Variants in PTGES3 observed in about 807,000 individuals in gnomAD.
The protein encoded by PTGES3 is Hsp90 co-chaperone.
A neutral mutation model predicts 29.9 loss-of-function variants in PTGES3; 5 were observed. That is an observed-to-expected ratio of 0.17 (90% CI 0.09 to 0.35). The LOEUF (loss-of-function observed/expected upper bound fraction) is 0.35, where lower values mean the gene tolerates loss of function less well. PTGES3 is among the 10% of genes least tolerant of loss of function. PTGES3 has a pLI of 1.00. For synonymous variants in PTGES3, 49 were observed against 57.8 expected, an observed-to-expected ratio of 0.85 and a Z score of 0.69; for missense variants, 128 against 190.0, an observed-to-expected ratio of 0.67 and a Z score of 1.92.
intron 1 of PTGES3, among the ~76,000 whole-genome samples, chr12:56,676,733 GACA>G (rs1053895566): frequency 9.2e-5 from 14 of 151,764 alleles, no homozygotes; most frequent in Non-Finnish European, 1.5e-4. Context: ...AGTCAGCCTG[GACA>G]ACATGGTGAA....
intron 1 of PTGES3, among the ~76,000 whole-genome samples, chr12:56,681,663 C>A (rs986175507): frequency 2.7e-5 from 4 of 150,270 alleles, no homozygotes; most frequent in Non-Finnish European, 5.9e-5. Context: ...GCCTGACCAA[C>A]ATGGCGAAAC....
intron 1 of PTGES3, among the ~76,000 whole-genome samples, chr12:56,683,435 T>C (rs1952651777): frequency 8.3e-6 from 1 of 120,554 alleles, no homozygotes; most frequent in Non-Finnish European, 1.6e-5. Context: ...ACCGTGACAT[T>C]GCACTTCAGC....
chr12:56,687,277 T>A (rs973844106), intron 1 of PTGES3: 1 of 996,804 alleles, frequency 1.0e-6, no homozygotes, highest in Non-Finnish European at 1.2e-6. Flanking sequence ...ACACAGAAAA[T>A]GTCCGTATCT....
chr12:56,671,980 C>T, intron 3 of PTGES3, 133 bp from the exon 4 acceptor site: 1 of 499,126 alleles, frequency 2.0e-6, no homozygotes, highest in Non-Finnish European at 3.4e-6. Context: ...CCCTTGACTA[C>T]TAAAAACTTC....
chr12:56,673,506 A>G (rs1242906696), intron 1 of PTGES3, among the ~76,000 whole-genome samples: 4 of 148,032 alleles, frequency 2.7e-5, no homozygotes, highest in Non-Finnish European at 6.0e-5. Context: ...AAAAAAAAAA[A>G]AAAAAAGCAG....
intron 2 of PTGES3, 47 bp downstream of exon 2, chr12:56,672,904 GT>G: frequency 1.3e-6 from 2 of 1,559,184 alleles, no homozygotes; most frequent in South Asian, 2.4e-5. Flanking sequence ...AAGTTATTCA[GT>G]TGTGTGAATG....
chr12:56,679,771 T>C (rs933564479), intron 1 of PTGES3, among the ~76,000 whole-genome samples: 3 of 152,100 alleles, frequency 2.0e-5, no homozygotes, highest in Non-Finnish European at 2.9e-5. Flanking sequence ...ACCTCCCAGG[T>C]TGAAGCAATT....
intron 1 of PTGES3, 176 bp downstream of exon 1, chr12:56,687,822 A>G: frequency 6.9e-7 from 1 of 1,447,510 alleles, no homozygotes; most frequent in Non-Finnish European, 9.1e-7. Context: ...CATCTGGAGG[A>G]AAAATGTCCT....
At chr12:56,669,007 A>AT (rs577249197) in intron 5 of PTGES3, among the ~76,000 whole-genome samples, 3,131 of 97,058 alleles carry the variant, frequency 0.032, 122 homozygotes, top group Non-Finnish European at 0.041. Context: ...TTCACCATGA[A>AT]TTTTTTTTTT....
intron 1 of PTGES3, among the ~76,000 whole-genome samples, chr12:56,685,423 GAC>G (rs1952789277): frequency 2.5e-5 from 3 of 117,758 alleles, no homozygotes; most frequent in Non-Finnish European, 3.4e-5. Flanking sequence ...TTTTTTTTAA[GAC>G]AGTCTCGCTG....
Position 56,664,820 on chromosome 12 carries a change from G to A in PTGES3, c.439-20C>T. 6.3e-7 allele frequency: 1 copy of A among 1,595,030 alleles called. No homozygotes were observed. The highest frequency in any genetic ancestry group is 8.6e-7 in the Non-Finnish European group (1 of 1,169,072). ...TGAATCCTGAAAGAGGGAAAATAAA[G>A]TTACCGAGCTGATCAAATATTCGTT... On this transcript the variant is annotated intron_variant, in intron 6 of 7. Coordinates refer to ENST00000262033, the MANE Select transcript of PTGES3 (RefSeq NM_006601.7).
At chr12:56,677,978 T>C (rs75472996) in intron 1 of PTGES3, among the ~76,000 whole-genome samples, 10,354 of 152,180 alleles carry the variant, frequency 0.068, 404 homozygotes, top group African/African-American at 0.091. Flanking sequence ...GTACTACAGC[T>C]GATTACAGAA....
intron 1 of PTGES3, chr12:56,687,271 A>G: frequency 1.0e-6 from 1 of 1,000,716 alleles, no homozygotes; most frequent in Non-Finnish European, 1.2e-6. Context: ...CATGAAACAC[A>G]GAAAATGTCC....
At chr12:56,677,517 A>T (rs1309755525) in intron 1 of PTGES3, among the ~76,000 whole-genome samples, 1 of 152,132 alleles carries the variant, frequency 6.6e-6, no homozygotes, top group Non-Finnish European at 1.5e-5. Context: ...TGGAAAAACG[A>T]ATTTACATTA....
intron 7 of PTGES3, 87 bp from the exon 8 acceptor site, chr12:56,664,585 CG>C: frequency 6.9e-7 from 1 of 1,447,348 alleles, no homozygotes; most frequent in Non-Finnish European, 9.5e-7. Context: ...AACCAAAAAT[CG>C]AAATACATAG....
intron 5 of PTGES3, among the ~76,000 whole-genome samples, chr12:56,666,925 C>A (rs184498013): frequency 6.6e-6 from 1 of 151,992 alleles, no homozygotes; most frequent in African/African-American, 2.4e-5. Flanking sequence ...CCATGCCAAG[C>A]CTTTTTTATT....
At chr12:56,673,595 A>C (rs1405068294) in intron 1 of PTGES3, among the ~76,000 whole-genome samples, 1 of 150,752 alleles carries the variant, frequency 6.6e-6, no homozygotes, top group Non-Finnish European at 1.5e-5. Flanking sequence ...GGAGTTCGAG[A>C]CCAGCCTGAC....
At chr12:56,680,926 T>C (rs925744086) in intron 1 of PTGES3, among the ~76,000 whole-genome samples, 4 of 151,760 alleles carry the variant, frequency 2.6e-5, no homozygotes, top group African/African-American at 9.7e-5. Flanking sequence ...CACAGATACA[T>C]GCTACCACAC....
intron 1 of PTGES3, among the ~76,000 whole-genome samples, chr12:56,685,794 T>G (rs1319708789): frequency 6.2e-5 from 3 of 48,314 alleles, no homozygotes; most frequent in African/African-American, 8.6e-5. Flanking sequence ...TTTTTTTTTT[T>G]GAGACGGAGT....
Sources: allele counts gnomAD v4.1 joint callset (sites outside exome capture counted in the v4.1 genomes callset), GRCh38; gene constraint gnomAD v4.1.1; transcripts MANE v1.5; gene names NCBI Gene and HGNC (gene_info 2026-07-23, HGNC 2026-07-21).